Variants in ERBB4 observed in about 807,000 individuals in gnomAD.
ERBB4 encodes receptor tyrosine-protein kinase erbB-4.
In ERBB4, 42 loss-of-function variants were observed where a neutral mutation model predicts 158.0. The ratio of observed to expected loss-of-function variants is 0.27; its 90% CI spans 0.21 to 0.34. ERBB4 has a LOEUF of 0.34. Ranked by LOEUF, ERBB4 falls within the 10% of genes least tolerant of loss-of-function variation. The pLI, the probability that ERBB4 is intolerant of heterozygous loss-of-function variation, is 1.00. For missense variants in ERBB4, 1,333 were observed against 1,624.1 expected (o/e 0.82, Z 3.08); for synonymous variants, 583 against 558.7 (o/e 1.04, Z -0.61).
chr2:211,880,345 G>A (rs530986631), intron 3 of ERBB4, among the ~76,000 whole-genome samples: 1 of 152,132 alleles, frequency 6.6e-6, no homozygotes, highest in Non-Finnish European at 1.5e-5. Context: ...TTATAGTAAT[G>A]TGTGTATATA....
intron 23 of ERBB4, among the ~76,000 whole-genome samples, chr2:211,422,612 A>G (rs902792019): frequency 2.0e-5 from 3 of 151,820 alleles, no homozygotes; most frequent in Admixed American, 2.0e-4. Flanking sequence ...CAAGGTATGT[A>G]TTCTTATTTA....
At chr2:211,745,735 C>A (rs12613878) in intron 5 of ERBB4, among the ~76,000 whole-genome samples, 64,755 of 137,246 alleles carry the variant, frequency 0.47, 15,919 homozygotes, top group South Asian at 0.63. Context: ...AAAAACAAAA[C>A]AAAAAAAACC....
chr2:212,164,292 T>A (rs2081284800), intron 1 of ERBB4, among the ~76,000 whole-genome samples: 1 of 73,012 alleles, frequency 1.4e-5, no homozygotes, highest in East Asian at 2.1e-4. Flanking sequence ...ACGTATGATA[T>A]TTTTAAAAAA....
chr2:212,421,344 G>A (rs1024587321), intron 1 of ERBB4, among the ~76,000 whole-genome samples: 1 of 152,096 alleles, frequency 6.6e-6, no homozygotes, highest in African/African-American at 2.4e-5. Flanking sequence ...CCTTTTTAGG[G>A]TCACATTGAC....
At chr2:212,015,205 G>T (rs1426526936) in intron 2 of ERBB4, among the ~76,000 whole-genome samples, 2 of 148,174 alleles carry the variant, frequency 1.3e-5, no homozygotes, top group Non-Finnish European at 3.0e-5. Context: ...GACAGAGCTT[G>T]CAGTGAGCCA....
intron 3 of ERBB4, among the ~76,000 whole-genome samples, chr2:211,887,161 C>T (rs374881665): frequency 2.2e-4 from 33 of 151,866 alleles, no homozygotes; most frequent in African/African-American, 8.0e-4. Context: ...GGCTCCTGTA[C>T]CAGTTAGAAA....
At chr2:211,841,557 A>G (rs781050949) in intron 3 of ERBB4, among the ~76,000 whole-genome samples, 28 of 152,018 alleles carry the variant, frequency 1.8e-4, no homozygotes, top group Non-Finnish European at 3.4e-4. Context: ...TAAGGATTAT[A>G]TATTTGGATA....
chr2:211,979,171 T>C, intron 2 of ERBB4, among the ~76,000 whole-genome samples: 1 of 152,102 alleles, frequency 6.6e-6, no homozygotes, highest in East Asian at 1.9e-4. Flanking sequence ...TATATGAATA[T>C]CGCCTAGGAA....
intron 19 of ERBB4, among the ~76,000 whole-genome samples, chr2:211,570,812 G>A (rs1398142901): frequency 1.3e-5 from 2 of 151,946 alleles, no homozygotes; most frequent in Non-Finnish European, 2.9e-5. Context: ...TTGTGCCTTT[G>A]AGATCCGGTT....
intron 1 of ERBB4, among the ~76,000 whole-genome samples, chr2:212,482,641 G>A (rs550013616): frequency 2.8e-4 from 43 of 152,258 alleles, no homozygotes; most frequent in African/African-American, 8.4e-4. Context: ...TTTCTGAGAC[G>A]AAGACTTGCT....
intron 1 of ERBB4, among the ~76,000 whole-genome samples, chr2:212,255,229 T>C (rs555609339): frequency 1.4e-4 from 21 of 152,296 alleles, no homozygotes; most frequent in African/African-American, 5.1e-4. Context: ...ACAATGACTA[T>C]GCACTATAGC....
chr2:212,288,184 T>G (rs1471798108), intron 1 of ERBB4, among the ~76,000 whole-genome samples: 1 of 152,192 alleles, frequency 6.6e-6, no homozygotes, highest in Non-Finnish European at 1.5e-5. Context: ...GCTTAAGGCC[T>G]AATATGCTCC....
chr2:212,236,506 T>C (rs1034574838), intron 1 of ERBB4, among the ~76,000 whole-genome samples: 5 of 152,184 alleles, frequency 3.3e-5, no homozygotes, highest in African/African-American at 1.2e-4. Flanking sequence ...GGAGTTCCTC[T>C]TTTTCGATTG....
At chr2:211,476,370 A>G (rs577376134) in intron 20 of ERBB4, among the ~76,000 whole-genome samples, 2 of 152,194 alleles carry the variant, frequency 1.3e-5, no homozygotes, top group East Asian at 3.9e-4. Flanking sequence ...ACAAAAGAGA[A>G]TCACTGGGAT....
intron 20 of ERBB4, among the ~76,000 whole-genome samples, chr2:211,451,564 AAAAG>A (rs1319782617): frequency 6.6e-6 from 1 of 152,148 alleles, no homozygotes; most frequent in Non-Finnish European, 1.5e-5. Flanking sequence ...ACAAAAAACA[AAAAG>A]AAAGCCCAAC....
intron 1 of ERBB4, among the ~76,000 whole-genome samples, chr2:212,523,267 A>G (rs1012381585): frequency 1.3e-5 from 2 of 151,806 alleles, no homozygotes; most frequent in Non-Finnish European, 2.9e-5. Flanking sequence ...ATTTCTTAAC[A>G]TTTTATCTCC....
intron 2 of ERBB4, among the ~76,000 whole-genome samples, chr2:211,968,126 C>T (rs1477430318): frequency 6.6e-6 from 1 of 151,906 alleles, no homozygotes; most frequent in Non-Finnish European, 1.5e-5. Flanking sequence ...CTTTAAAAAG[C>T]CATTTTCTTG....
At chr2:212,167,818 C>A (rs2081393204) in intron 1 of ERBB4, among the ~76,000 whole-genome samples, 1 of 152,008 alleles carries the variant, frequency 6.6e-6, no homozygotes. Context: ...AAGTCATCAT[C>A]CTCAGCAAAC....
At chr2:211,706,603 A>AAAC (rs553020219) in intron 9 of ERBB4, among the ~76,000 whole-genome samples, 1 of 147,120 alleles carries the variant, frequency 6.8e-6, no homozygotes, top group Non-Finnish European at 1.5e-5. Context: ...TAAAAAAACA[A>AAAC]AAAAAAAAAA....
Sources: allele counts gnomAD v4.1 joint callset (sites outside exome capture counted in the v4.1 genomes callset), GRCh38; gene constraint gnomAD v4.1.1; transcripts MANE v1.5; gene names NCBI Gene and HGNC (gene_info 2026-07-23, HGNC 2026-07-21).